Variants in CUBN observed in about 807,000 individuals in gnomAD.
The protein encoded by CUBN is 460 kDa receptor.
A neutral mutation model predicts 405.3 loss-of-function variants in CUBN; 282 were observed. The observed-to-expected ratio is 0.70, with a 90% CI of 0.63 to 0.77. The LOEUF is 0.77. CUBN is among the 30% of genes least tolerant of loss of function. The pLI, the probability that CUBN is intolerant of heterozygous loss-of-function variation, is 0.00. For synonymous variants in CUBN, 1,684 were observed against 1,617.0 expected (o/e 1.04, Z -0.99); for missense variants, 4,514 against 4,475.2 (o/e 1.01, Z -0.25).
At chr10:16,867,504 C>T (rs754212223) in intron 59 of CUBN, among the ~76,000 whole-genome samples, 2 of 152,176 alleles carry the variant, frequency 1.3e-5, no homozygotes, top group African/African-American at 2.4e-5. Flanking sequence ...AATGCAAAAT[C>T]ATAATACTTA....
chr10:17,000,659 A>G (rs1183760255), intron 28 of CUBN, among the ~76,000 whole-genome samples: 3 of 152,226 alleles, frequency 2.0e-5, no homozygotes, highest in African/African-American at 7.2e-5. Flanking sequence ...GCTGTGGGGA[A>G]AAAATATTTG....
chr10:17,077,735 G>C (rs1158176084), intron 17 of CUBN, among the ~76,000 whole-genome samples: 1 of 152,144 alleles, frequency 6.6e-6, no homozygotes, highest in African/African-American at 2.4e-5. Context: ...ATCTGGGTGA[G>C]CAGGAGAGGA....
intron 17 of CUBN, among the ~76,000 whole-genome samples, chr10:17,078,905 C>T (rs1379343673): frequency 6.6e-6 from 1 of 152,214 alleles, no homozygotes; most frequent in African/African-American, 2.4e-5. Flanking sequence ...TTCCTGCTTA[C>T]TGCTCTACAT....
At chr10:16,962,731 A>T (rs1707289) in intron 31 of CUBN, among the ~76,000 whole-genome samples, 3 of 152,094 alleles carry the variant, frequency 2.0e-5, no homozygotes, top group East Asian at 1.9e-4. Flanking sequence ...TACTCCGTGG[A>T]GAGGCCTGTG....
intron 28 of CUBN, among the ~76,000 whole-genome samples, chr10:17,012,913 G>T (rs1021552718): frequency 5.9e-5 from 9 of 152,112 alleles, no homozygotes; most frequent in African/African-American, 2.2e-4. Context: ...ATGTCTGGTG[G>T]GACCTTTGTA....
At chr10:16,973,841 G>C (rs1395533402) in intron 31 of CUBN, among the ~76,000 whole-genome samples, 3 of 152,156 alleles carry the variant, frequency 2.0e-5, no homozygotes, top group Non-Finnish European at 4.4e-5. Context: ...TTGTGGCTGT[G>C]TCACATTCCC....
chr10:16,998,978 T>C (rs1166546726), intron 28 of CUBN, among the ~76,000 whole-genome samples: 1 of 152,252 alleles, frequency 6.6e-6, no homozygotes. Context: ...TAATCCATTT[T>C]ATTCGACTAA....
rs749370961 is a variant in CUBN at position 16,920,072 on chromosome 10, G to T, written c.6712C>A (p.Pro2238Thr). 1.2e-6 allele frequency: 2 copies of T among 1,614,008 alleles called. No homozygotes were observed. The highest frequency in any genetic ancestry group is 1.7e-6 in the Non-Finnish European group (2 of 1,179,980). ...TCAGCGTGCGGGGGATAATTATGAG[G>T]GTGGTTGGGGGAGGTCACATACCCA... Reference protein sequence around the residue: ...SAGYVTSPNHPHNYPPHADCI... With the variant: ...SAGYVTSPNHTHNYPPHADCI... The change falls in exon 44 of 67, where the codon CCT becomes ACT. Residue 2238 changes from proline to threonine, a missense_variant. By Grantham distance (38) the Pro-to-Thr change is conservative. Transcript: ENST00000377833.
chr10:16,883,221 G>T lies in CUBN; in HGVS notation c.8905+5196C>A, dbSNP rs76836811. 7.2e-3 allele frequency among the ~76,000 whole-genome samples: 1,092 copies of T among 152,234 alleles called. 12 individuals carry two copies. The highest frequency in any genetic ancestry group is 0.024 in the African/African-American group (1,014 of 41,536). On this transcript the variant is annotated intron_variant, in intron 56 of 66. Transcript: ENST00000377833. ...TAGCTGGGAGACTGGTCTCCTCTAC[G>T]GAGGCATGATTCAGAGGAGGGGGAA...
chr10:16,897,917 T>C lies in CUBN; in HGVS notation c.8598+1079A>G, dbSNP rs111712540. The stretch of plus-strand genomic sequence containing the variant: ...CAGAGAAGGAATGAGCCTAGGCCAT[T>C]TTCCACATTCCAGTTTTACAACTGG... On this transcript the variant is annotated intron_variant, in intron 54 of 66. Transcript: ENST00000377833. Among the ~76,000 whole-genome samples the C allele has an allele frequency of 6.6e-3, 1,009 of 152,276 alleles. 17 individuals carry two copies. The highest frequency in any genetic ancestry group is 0.023 in the African/African-American group (945 of 41,550).
At chr10:16,961,072 G>A (rs111394571) in intron 31 of CUBN, among the ~76,000 whole-genome samples, 2 of 152,274 alleles carry the variant, frequency 1.3e-5, no homozygotes, top group African/African-American at 4.8e-5. Context: ...CTTTTAATTA[G>A]TATTATAATT....
At chr10:16,996,296 T>A (rs1833733626) in intron 28 of CUBN, among the ~76,000 whole-genome samples, 1 of 152,192 alleles carries the variant, frequency 6.6e-6, no homozygotes, top group Non-Finnish European at 1.5e-5. Flanking sequence ...TTTTAAAGAG[T>A]TAATCTTTAT....
intron 22 of CUBN, among the ~76,000 whole-genome samples, chr10:17,064,283 G>T (rs1454769169): frequency 6.6e-6 from 1 of 152,210 alleles, no homozygotes; most frequent in East Asian, 1.9e-4. Flanking sequence ...GCAGAGTTTT[G>T]CCTGAAATGA....
chr10:17,074,010 G>A (rs1835796707), intron 17 of CUBN, among the ~76,000 whole-genome samples: 1 of 152,150 alleles, frequency 6.6e-6, no homozygotes, highest in African/African-American at 2.4e-5. Flanking sequence ...TTGCTACTAT[G>A]AGCAGGAATT....
intron 22 of CUBN, 23 bp downstream of exon 22, chr10:17,065,485 A>T (rs775229187): frequency 1.2e-6 from 2 of 1,612,398 alleles, no homozygotes; most frequent in East Asian, 4.5e-5. Context: ...AATAAAACCG[A>T]GTATGCAATG....
intron 17 of CUBN, among the ~76,000 whole-genome samples, chr10:17,081,550 G>A (rs186959634): frequency 2.6e-4 from 40 of 152,086 alleles, no homozygotes; most frequent in African/African-American, 9.6e-4. Context: ...CATCATTTTA[G>A]GGAACAATAT....
intron 28 of CUBN, among the ~76,000 whole-genome samples, chr10:16,999,820 C>T (rs978408345): frequency 6.6e-6 from 1 of 152,228 alleles, no homozygotes; most frequent in Non-Finnish European, 1.5e-5. Context: ...CAGGGAAAAG[C>T]TCAAAGAGCC....
At chr10:16,880,819 C>A (rs1840648191) in intron 56 of CUBN, among the ~76,000 whole-genome samples, 1 of 152,026 alleles carries the variant, frequency 6.6e-6, no homozygotes, top group Admixed American at 6.5e-5. Flanking sequence ...CAAAGAATTC[C>A]CTTATTTTGA....
chr10:17,041,201 T>G lies in CUBN; in HGVS notation c.3849A>C (p.Ile1283=), dbSNP rs1835010500. The G allele has an allele frequency of 6.2e-7, 1 of 1,613,462 alleles. No individual in the cohort carries two copies. The highest frequency in any genetic ancestry group is 1.3e-5 in the African/African-American group (1 of 75,020). Residue 1283 remains isoleucine, a synonymous_variant, in exon 27 of 67, where the codon ATA becomes ATC. Transcript: ENST00000377833. ...EYRQTCENVV[I]VNQTYGILES... Reference sequence around the variant, plus strand: ...CTAAGATGCCATAGGTTTGATTGACTATTACCACATTCTCACATGCTGGAA... The same window carrying G: ...CTAAGATGCCATAGGTTTGATTGACGATTACCACATTCTCACATGCTGGAA...
Sources: allele counts gnomAD v4.1 joint callset (sites outside exome capture counted in the v4.1 genomes callset), GRCh38; gene constraint gnomAD v4.1.1; transcripts MANE v1.5; gene names NCBI Gene and HGNC (gene_info 2026-07-23, HGNC 2026-07-21).